Variants in FBXO34 observed in about 807,000 individuals in gnomAD.
The protein encoded by FBXO34 is F-box protein 34.
In FBXO34, 12 loss-of-function variants were observed where a neutral mutation model predicts 24.5. The observed-to-expected ratio is 0.49, with a 90% CI of 0.31 to 0.79. The LOEUF is 0.79. FBXO34 is among the 30% of genes least tolerant of loss of function. The probability of loss-of-function intolerance (pLI) is 0.04; values close to 1 mark genes in which losing one functional copy is unlikely to be tolerated. For missense variants in FBXO34, 823 were observed against 857.7 expected (o/e 0.96, Z 0.51); for synonymous variants, 320 against 311.9 (o/e 1.03, Z -0.27).
the FBXO34 span, among the ~76,000 whole-genome samples, chr14:55,431,379 T>C: frequency 3.3e-5 from 5 of 152,222 alleles, no homozygotes; most frequent in African/African-American, 9.6e-5. Flanking sequence ...ACAATGAAAG[T>C]TGGATAACAA....
At chr14:55,286,889 C>A (rs534696736) in intron 1 of FBXO34, among the ~76,000 whole-genome samples, 12 of 147,570 alleles carry the variant, frequency 8.1e-5, no homozygotes, top group Non-Finnish European at 1.0e-4. Context: ...ACACGGAATT[C>A]ATTTATGTTT....
chr14:55,295,431 G>GTT (rs1001895175), intron 1 of FBXO34, among the ~76,000 whole-genome samples: 37 of 109,358 alleles, frequency 3.4e-4, no homozygotes, highest in Non-Finnish European at 5.5e-4. Context: ...TCTCTCGTCT[G>GTT]TTGCCCAGGC....
intron 1 of FBXO34, among the ~76,000 whole-genome samples, chr14:55,334,463 A>C (rs943178791): frequency 2.0e-5 from 3 of 151,092 alleles, no homozygotes; most frequent in African/African-American, 7.3e-5. Flanking sequence ...CCCAGGGTAG[A>C]AACTGGGAAG....
chr14:55,295,892 G>A (rs1448812233), intron 1 of FBXO34, among the ~76,000 whole-genome samples: 1 of 152,214 alleles, frequency 6.6e-6, no homozygotes, highest in Non-Finnish European at 1.5e-5. Flanking sequence ...TAGTGGAACA[G>A]TAATGTCACA....
At chr14:55,364,670 C>T (rs1210851101), downstream of FBXO34, among the ~76,000 whole-genome samples, 1 of 151,532 alleles carries the variant, frequency 6.6e-6, no homozygotes, top group Non-Finnish European at 1.5e-5. Context: ...CTCAGGTGAT[C>T]CGCCTGTCTC....
At chr14:55,310,439 A>G (rs185654107) in intron 1 of FBXO34, among the ~76,000 whole-genome samples, 1 of 152,290 alleles carries the variant, frequency 6.6e-6, no homozygotes, top group African/African-American at 2.4e-5. Flanking sequence ...GGGAGTGCTC[A>G]TGGATCTGCA....
chr14:55,383,133 T>C, the FBXO34 span, among the ~76,000 whole-genome samples: 2 of 152,202 alleles, frequency 1.3e-5, no homozygotes, highest in Non-Finnish European at 2.9e-5. Flanking sequence ...TACTTCAGTG[T>C]GCAGCACAAG....
the FBXO34 span, among the ~76,000 whole-genome samples, chr14:55,415,882 T>C: frequency 6.6e-6 from 1 of 151,770 alleles, no homozygotes; most frequent in Non-Finnish European, 1.5e-5. Context: ...AAAAAATGTA[T>C]GGTGTGTATA....
chr14:55,408,535 G>T, the FBXO34 span, among the ~76,000 whole-genome samples: 1 of 152,128 alleles, frequency 6.6e-6, no homozygotes, highest in Non-Finnish European at 1.5e-5. Flanking sequence ...ACTTTGGGAG[G>T]CTGAGGCAGG....
At chr14:55,370,032 C>T (rs1296983519), downstream of FBXO34, 24 of 1,067,578 alleles carry the variant, frequency 2.2e-5, 1 homozygote, top group South Asian at 3.8e-4. Flanking sequence ...GGACGCCGCA[C>T]ACCCCATTCA....
At chr14:55,372,463 G>C (rs1884840363), downstream of FBXO34, among the ~76,000 whole-genome samples, 1 of 152,112 alleles carries the variant, frequency 6.6e-6, no homozygotes, top group African/African-American at 2.4e-5. Context: ...AGAACTGACT[G>C]CCAGGCTAAG....
At chr14:55,407,275 T>A in the FBXO34 span, among the ~76,000 whole-genome samples, 2 of 152,188 alleles carry the variant, frequency 1.3e-5, no homozygotes, top group Admixed American at 6.5e-5. Context: ...ACCACAGGCA[T>A]GCGTGCCACC....
chr14:55,278,888 T>C (rs1312320421), intron 1 of FBXO34, among the ~76,000 whole-genome samples: 1 of 152,168 alleles, frequency 6.6e-6, no homozygotes, highest in African/African-American at 2.4e-5. Context: ...GGTCTCGCCA[T>C]GTTGCCCAGG....
chr14:55,411,920 C>T, the FBXO34 span: 27 of 1,152,424 alleles, frequency 2.3e-5, no homozygotes, highest in Admixed American at 5.0e-5. Context: ...GCTGGGATGC[C>T]GGCGAGCCCC....
intron 1 of FBXO34, among the ~76,000 whole-genome samples, chr14:55,303,128 CT>C (rs3084453): frequency 0.37 from 54,265 of 147,562 alleles, 10,160 homozygotes; most frequent in Non-Finnish European, 0.43. Context: ...CTTTACAGGC[CT>C]TTTTTTTTTT....
intron 1 of FBXO34, among the ~76,000 whole-genome samples, chr14:55,310,762 A>G (rs1050221106): frequency 7.2e-5 from 11 of 152,314 alleles, no homozygotes; most frequent in African/African-American, 2.4e-4. Flanking sequence ...TGGCTGGACT[A>G]TATCTATTTG....
the FBXO34 span, among the ~76,000 whole-genome samples, chr14:55,417,485 G>A: frequency 2.3e-5 from 3 of 131,656 alleles, no homozygotes; most frequent in Admixed American, 8.4e-5. Context: ...AAAAAGTCTC[G>A]CTCGGTCACC....
intron 1 of FBXO34, among the ~76,000 whole-genome samples, chr14:55,346,568 A>G (rs574512871): frequency 6.6e-6 from 1 of 152,338 alleles, no homozygotes. Flanking sequence ...AGTTAAAACT[A>G]CAAGAAATCA....
At chr14:55,436,037 C>T in the FBXO34 span, 2 of 642,284 alleles carry the variant, frequency 3.1e-6, no homozygotes. Context: ...TTAGCAATTT[C>T]CTAGGGGGAG....
Sources: allele counts gnomAD v4.1 joint callset (sites outside exome capture counted in the v4.1 genomes callset), GRCh38; gene constraint gnomAD v4.1.1; transcripts MANE v1.5; gene names NCBI Gene and HGNC (gene_info 2026-07-23, HGNC 2026-07-21).